The following DPP10 variants were observed in gnomAD, a reference collection of about 807,000 sequenced individuals.
DPP10 encodes dipeptidyl peptidase like 10, also known as inactive dipeptidyl peptidase 10.
A neutral mutation model predicts 120.9 loss-of-function variants in DPP10; 33 were observed. That is an observed-to-expected ratio of 0.27 (90% CI 0.21 to 0.37). The LOEUF (loss-of-function observed/expected upper bound fraction) is 0.37, where lower values mean the gene tolerates loss of function less well. Ranked by LOEUF, DPP10 falls within the 10% of genes least tolerant of loss-of-function variation. The pLI is 1.00. For synonymous variants in DPP10, 337 were observed against 326.1 expected (o/e 1.03, Z -0.36); for missense variants, 816 against 942.8 (o/e 0.87, Z 1.76).
chr2:115,215,403 G>A (rs956311554), intron 1 of DPP10, among the ~76,000 whole-genome samples: 16 of 152,210 alleles, frequency 1.1e-4, no homozygotes, highest in African/African-American at 3.9e-4. Context: ...ATAATTTTGA[G>A]CATTTGTGAA....
chr2:114,607,633 C>G (rs957333823), intron 1 of DPP10, among the ~76,000 whole-genome samples: 35 of 152,186 alleles, frequency 2.3e-4, no homozygotes, highest in African/African-American at 8.4e-4. Context: ...CTGAGTCCAG[C>G]TCTGGGAATA....
chr2:114,715,630 T>C (rs2105884523), intron 1 of DPP10, among the ~76,000 whole-genome samples: 1 of 152,202 alleles, frequency 6.6e-6, no homozygotes, highest in Non-Finnish European at 1.5e-5. Context: ...AATTTATTAT[T>C]AGAATAAAGC....
At position 115,675,016 on chromosome 2, in the gene DPP10, G is replaced by T. The variant is rs181076376; in HGVS notation, c.442-14671G>T. Among the ~76,000 whole-genome samples, 52 of 152,112 alleles carry T rather than the reference G, an allele frequency of 3.4e-4. 1 individual carries two copies. In the East Asian group the frequency reaches 5.2e-3, roughly 15 times the overall value. On this transcript the variant is annotated intron_variant, in intron 5 of 25. Coordinates refer to ENST00000410059, the MANE Select transcript of DPP10 (RefSeq NM_020868.6). ...TGTCTGCCTATATTTTTATCTCAAGGTTAGTTATTGTCAAATATTGTCAAC... is the reference window on the plus strand; with the variant it reads ...TGTCTGCCTATATTTTTATCTCAAGTTTAGTTATTGTCAAATATTGTCAAC...
chr2:114,531,062 A>G (rs1685933420), intron 1 of DPP10, among the ~76,000 whole-genome samples: 1 of 152,172 alleles, frequency 6.6e-6, no homozygotes, highest in Non-Finnish European at 1.5e-5. Context: ...AGGGGGATAC[A>G]TGAGGACAAA....
At chr2:115,338,863 T>C (rs2063301085) in intron 2 of DPP10, among the ~76,000 whole-genome samples, 1 of 152,046 alleles carries the variant, frequency 6.6e-6, no homozygotes, top group African/African-American at 2.4e-5. Context: ...GAAAAAGCCA[T>C]AGGAGAAAGT....
At chr2:115,302,469 T>G (rs2061183223) in intron 1 of DPP10, among the ~76,000 whole-genome samples, 1 of 151,826 alleles carries the variant, frequency 6.6e-6, no homozygotes, top group Admixed American at 6.6e-5. Context: ...AGAAAAAAAG[T>G]AGCCAGGTAT....
intron 1 of DPP10, among the ~76,000 whole-genome samples, chr2:114,460,169 A>ATATCTATCTATC (rs10686701): frequency 2.0e-4 from 29 of 148,514 alleles, no homozygotes; most frequent in African/African-American, 2.7e-4. Context: ...ATTTGGGATG[A>ATATCTATCTATC]TATCTATCTA....
intron 1 of DPP10, among the ~76,000 whole-genome samples, chr2:115,060,247 A>T (rs60995351): frequency 0.15 from 21,800 of 149,646 alleles, 1,697 homozygotes; most frequent in African/African-American, 0.21. Context: ...AAAGAAATAC[A>T]TATATAATAT....
chr2:115,136,300 A>C (rs1450368249), intron 1 of DPP10, among the ~76,000 whole-genome samples: 1 of 152,184 alleles, frequency 6.6e-6, no homozygotes, highest in African/African-American at 2.4e-5. Context: ...TAGGTCTATG[A>C]ATGGAAGAGC....
At chr2:115,275,678 T>C (rs1412583226) in intron 1 of DPP10, among the ~76,000 whole-genome samples, 4 of 150,876 alleles carry the variant, frequency 2.7e-5, no homozygotes, top group South Asian at 4.2e-4. Flanking sequence ...TTTCATTTTA[T>C]TCTAGTAAAT....
At chr2:114,601,098 G>A (rs1473457267) in intron 1 of DPP10, among the ~76,000 whole-genome samples, 5 of 151,672 alleles carry the variant, frequency 3.3e-5, no homozygotes, top group East Asian at 1.9e-4. Flanking sequence ...CTATTGAATC[G>A]CCACAAAGAG....
intron 1 of DPP10, among the ~76,000 whole-genome samples, chr2:115,094,125 T>C (rs1709517215): frequency 6.6e-6 from 1 of 152,060 alleles, no homozygotes; most frequent in Non-Finnish European, 1.5e-5. Flanking sequence ...GAGTTCAAGT[T>C]CCTATTAAAC....
intron 1 of DPP10, among the ~76,000 whole-genome samples, chr2:114,805,738 C>T (rs565323174): frequency 5.9e-5 from 9 of 152,310 alleles, no homozygotes; most frequent in African/African-American, 1.2e-4. Context: ...TGGATTAGCT[C>T]TCACCTCAAA....
intron 5 of DPP10, among the ~76,000 whole-genome samples, chr2:115,676,900 C>G (rs868535439): frequency 3.6e-4 from 55 of 152,144 alleles, no homozygotes; most frequent in African/African-American, 1.3e-3. Flanking sequence ...ATAACTATCA[C>G]AAGATAAAGA....
chr2:114,856,765 T>G (rs1574352580), intron 1 of DPP10, among the ~76,000 whole-genome samples: 1 of 152,298 alleles, frequency 6.6e-6, no homozygotes, highest in South Asian at 2.1e-4. Context: ...CTTCTGTTTT[T>G]TATCTTAGCG....
intron 3 of DPP10, among the ~76,000 whole-genome samples, chr2:115,495,330 T>G (rs2029035): frequency 0.56 from 77,788 of 138,388 alleles, 23,149 homozygotes; most frequent in Non-Finnish European, 0.68. Flanking sequence ...TTTAGGAGTT[T>G]AATGTTTCTA....
At chr2:114,639,898 A>G (rs1695581247) in intron 1 of DPP10, among the ~76,000 whole-genome samples, 1 of 151,926 alleles carries the variant, frequency 6.6e-6, no homozygotes, top group Non-Finnish European at 1.5e-5. Flanking sequence ...GAATCAGTTG[A>G]CATCTGGAAT....
chr2:115,704,241 TA>T lies in DPP10; in HGVS notation c.576+14332del, dbSNP rs533897361. On this transcript the variant is annotated intron_variant, in intron 7 of 25. Transcript: ENST00000410059. The stretch of plus-strand genomic sequence containing the variant: ...ATTCCTCTTGGTAGACCTAGCCATT[TA>T]AAAAAAAAAAATTTCCTTCAAAAGT... Among the ~76,000 whole-genome samples the T allele has an allele frequency of 5.0e-3, 736 of 147,416 alleles. 5 individuals carry two copies. Among genetic ancestry groups the T allele is most frequent in the South Asian group, 0.045 (211 of 4,702 alleles).
chr2:115,530,167 C>A (rs1384423320), intron 5 of DPP10, among the ~76,000 whole-genome samples: 3 of 151,828 alleles, frequency 2.0e-5, no homozygotes, highest in Non-Finnish European at 4.4e-5. Context: ...CATTTTATAT[C>A]ATTTCATTTA....
Sources: allele counts gnomAD v4.1 joint callset (sites outside exome capture counted in the v4.1 genomes callset), GRCh38; gene constraint gnomAD v4.1.1; transcripts MANE v1.5; gene names NCBI Gene and HGNC (gene_info 2026-07-23, HGNC 2026-07-21).